NEXN: variants seen among roughly 807,000 people sequenced by gnomAD.
NEXN encodes the protein nexilin.
In NEXN, 65 loss-of-function variants were observed where a neutral mutation model predicts 92.6. The observed-to-expected ratio is 0.70, with a 90% confidence interval of 0.57 to 0.86. The LOEUF is 0.86. Among genes scored for constraint, NEXN ranks in the 40% least tolerant of loss-of-function variants. The pLI, the probability that NEXN is intolerant of heterozygous loss-of-function variation, is 0.00. For missense variants in NEXN, 778 were observed against 771.1 expected, an observed-to-expected ratio of 1.01 and a Z score of -0.11; for synonymous variants, 254 against 242.5, an observed-to-expected ratio of 1.05 and a Z score of -0.44.
chr1:77,936,094 A>T, intron 11 of NEXN, 50 bp downstream of exon 11: 2 of 1,354,378 alleles, frequency 1.5e-6, no homozygotes, highest in South Asian at 2.5e-5. Flanking sequence ...ATGATAATAA[A>T]TTTAACAGAA....
chr1:77,921,664 C>T (rs1189412417), intron 5 of NEXN, among the ~76,000 whole-genome samples: 2 of 152,138 alleles, frequency 1.3e-5, no homozygotes, highest in African/African-American at 4.8e-5. Context: ...AATACCAGCA[C>T]TTTGGGAGAC....
intron 1 of NEXN, among the ~76,000 whole-genome samples, chr1:77,914,094 G>A (rs1300947344): frequency 6.6e-6 from 1 of 152,172 alleles, no homozygotes. Context: ...AAAAGCATAA[G>A]TAAGTGGAGT....
At chr1:77,908,247 T>C (rs1648281554) in intron 1 of NEXN, among the ~76,000 whole-genome samples, 1 of 152,060 alleles carries the variant, frequency 6.6e-6, no homozygotes, top group African/African-American at 2.4e-5. Flanking sequence ...TTGCAAATTT[T>C]TAAATTTTCA....
intron 8 of NEXN, 93 bp from the exon 9 acceptor site, chr1:77,929,223 G>A (rs563563272): frequency 1.5e-5 from 13 of 862,636 alleles, no homozygotes; most frequent in Admixed American, 2.0e-5. Flanking sequence ...AAACTCCTGT[G>A]TGATAGTGGC....
rs768640187 is a variant in NEXN, at chr1:77,932,429, C to T, written c.1054-853C>T. Among the ~76,000 whole-genome samples, 7 of 152,288 alleles carry T rather than the reference C, an allele frequency of 4.6e-5. No homozygotes were observed. In the South Asian group the frequency reaches 1.0e-3, roughly 23 times the overall value. On this transcript the variant is annotated intron_variant, in intron 9 of 12. Coordinates refer to ENST00000334785, the MANE Select transcript of NEXN (RefSeq NM_144573.4). Reference sequence around the variant, plus strand: ...TACACTTTACGTGCTTATAACTGCACTTGGCAGCTCCAAGTATTAACTATT... The same window carrying T: ...TACACTTTACGTGCTTATAACTGCATTTGGCAGCTCCAAGTATTAACTATT...
chr1:77,926,927 T>G (rs1649898316), intron 8 of NEXN, 35 bp downstream of exon 8: 1 of 1,612,346 alleles, frequency 6.2e-7, no homozygotes, highest in African/African-American at 1.3e-5. Flanking sequence ...CAATTAATAT[T>G]AATGAAGTTA....
intron 2 of NEXN, among the ~76,000 whole-genome samples, chr1:77,916,392 TTC>T (rs1436484781): frequency 6.6e-6 from 1 of 152,222 alleles, no homozygotes; most frequent in Non-Finnish European, 1.5e-5. Flanking sequence ...ATAGCTAGCA[TTC>T]TGAGTAGAAT....
At chr1:77,911,598 C>A (rs1033086520) in intron 1 of NEXN, among the ~76,000 whole-genome samples, 2 of 151,342 alleles carry the variant, frequency 1.3e-5, no homozygotes, top group Non-Finnish European at 3.0e-5. Flanking sequence ...ATCTCAAAAA[C>A]AAAACAAAAC....
At chr1:77,916,696 G>A (rs1571111137) in intron 2 of NEXN, among the ~76,000 whole-genome samples, 1 of 152,046 alleles carries the variant, frequency 6.6e-6, no homozygotes, top group Non-Finnish European at 1.5e-5. Flanking sequence ...AATTAATTAA[G>A]TAATTGTCAT....
chr1:77,926,779 T>G lies in NEXN; in HGVS notation c.751T>G (p.Phe251Val). ...SLSPGKLKLT[F>V]EELERQRQEN... Reference sequence around the variant, plus strand: ...TTCTCCCGGAAAATTGAAACTAACTTTTGAAGAACTGGAGCGACAAAGACA... The same window carrying G: ...TTCTCCCGGAAAATTGAAACTAACTGTTGAAGAACTGGAGCGACAAAGACA... The change falls in exon 8 of 13, where the codon TTT becomes GTT. Residue 251 changes from phenylalanine to valine, a missense_variant. By Grantham distance (50) the Phe-to-Val change is conservative. Transcript: ENST00000334785. The G allele has an allele frequency of 6.2e-7, 1 of 1,613,770 alleles. No homozygotes were observed. The highest frequency in any genetic ancestry group is 8.5e-7 in the Non-Finnish European group (1 of 1,179,960).
intron 1 of NEXN, among the ~76,000 whole-genome samples, chr1:77,891,984 G>A (rs1386874081): frequency 3.3e-5 from 5 of 151,808 alleles, no homozygotes; most frequent in Non-Finnish European, 7.4e-5. Context: ...CTGGGAGGCC[G>A]AGGCAGGAGG....
chr1:77,911,589 T>C (rs999258758), intron 1 of NEXN, among the ~76,000 whole-genome samples: 3 of 151,236 alleles, frequency 2.0e-5, no homozygotes, highest in Non-Finnish European at 2.9e-5. Context: ...CAAGACTCCA[T>C]CTCAAAAACA....
chr1:77,934,112 C>A (rs1430213571), intron 10 of NEXN, among the ~76,000 whole-genome samples: 1 of 148,298 alleles, frequency 6.7e-6, no homozygotes, highest in Non-Finnish European at 1.5e-5. Flanking sequence ...CAGGTTCAAG[C>A]AATTCTCCTG....
At chr1:77,894,241 G>A (rs1407907657) in intron 1 of NEXN, among the ~76,000 whole-genome samples, 2 of 152,130 alleles carry the variant, frequency 1.3e-5, no homozygotes, top group African/African-American at 2.4e-5. Flanking sequence ...ACAGGTGTGA[G>A]CCACTGCACC....
At chr1:77,919,709 C>T (rs758232223) in intron 5 of NEXN, among the ~76,000 whole-genome samples, 18 of 151,558 alleles carry the variant, frequency 1.2e-4, no homozygotes, top group Non-Finnish European at 2.4e-4. Flanking sequence ...AAGCGATTCT[C>T]CTGTCTCAAC....
intron 1 of NEXN, among the ~76,000 whole-genome samples, chr1:77,891,955 T>C (rs1293081177): frequency 6.6e-6 from 1 of 151,708 alleles, no homozygotes; most frequent in Non-Finnish European, 1.5e-5. Flanking sequence ...TGGTGGTGCA[T>C]GCCTGTAGTC....
At chr1:77,930,683 T>TTG (rs1264731238) in intron 9 of NEXN, among the ~76,000 whole-genome samples, 1 of 152,230 alleles carries the variant, frequency 6.6e-6, no homozygotes, top group Non-Finnish European at 1.5e-5. Context: ...CTGAATTTGT[T>TTG]TGTATTTCTT....
rs750958594 is a variant in NEXN, at chr1:77,942,519, A to C, written c.1718A>C (p.Asp573Ala). The C allele has an allele frequency of 2.5e-6, 4 of 1,613,966 alleles. 1 individual carries two copies. In the South Asian group the frequency reaches 4.4e-5, roughly 18 times the overall value. The change falls in exon 13 of 13, where the codon GAT becomes GCT. Residue 573 changes from aspartate to alanine, a missense_variant. Around this residue, in one of 3 missense-constraint regions of NEXN, gnomAD observed 532 missense variants for 476.7 expected, o/e 1.12. Transcript: ENST00000334785. ...ATCATGAATGGCTCCACTGCTGAAGATGAAGAGCAAACCAGATCAGGAGCT... is the reference window on the plus strand; with the variant it reads ...ATCATGAATGGCTCCACTGCTGAAGCTGAAGAGCAAACCAGATCAGGAGCT... ...GSIMNGSTAEDEEQTRSGAPW... is the reference protein window; with the variant it reads ...GSIMNGSTAEAEEQTRSGAPW...
At chr1:77,924,104 G>C (rs1390946455) in intron 5 of NEXN, 1 of 156,408 alleles carries the variant, frequency 6.4e-6, no homozygotes, top group African/African-American at 2.4e-5. Context: ...GCTCACGCCT[G>C]TAATCCCAGC....
Sources: gnomAD v4.1 joint callset for allele counts (sites outside exome capture counted in the v4.1 genomes callset) on GRCh38, gnomAD v4.1.1 for gene constraint, gnomAD v4.1.1 regional missense constraint, MANE v1.5 for transcripts, NCBI Gene and HGNC (gene_info 2026-07-23, HGNC 2026-07-21) for gene names.